Variants in SENP8 observed in about 807,000 individuals in gnomAD.
The protein encoded by SENP8 is sentrin-specific protease 8.
In SENP8, 10 loss-of-function variants were observed where a neutral mutation model predicts 14.4. That is an observed-to-expected ratio of 0.69 (90% CI 0.43 to 1.18). The LOEUF (loss-of-function observed/expected upper bound fraction) is 1.18. Ranked by LOEUF, SENP8 falls within the 50% of genes most tolerant of loss-of-function variation. The pLI is 0.00. For synonymous variants in SENP8, 94 were observed against 95.5 expected (o/e 0.98, Z 0.09); for missense variants, 202 against 249.4 (o/e 0.81, Z 1.28).
At chr15:72,116,479 G>A (rs2151249782), upstream of SENP8, among the ~76,000 whole-genome samples, 1 of 152,246 alleles carries the variant, frequency 6.6e-6, no homozygotes, top group Non-Finnish European at 1.5e-5. Context: ...TGACCTCAGT[G>A]AACACTGCAT....
At chr15:72,122,464 T>G (rs1176488776) in intron 1 of SENP8, among the ~76,000 whole-genome samples, 1 of 152,242 alleles carries the variant, frequency 6.6e-6, no homozygotes, top group African/African-American at 2.4e-5. Flanking sequence ...AACTTACTGC[T>G]CAAATCCAGC....
chr15:72,140,314 A>C lies in SENP8; in HGVS notation c.*52A>C. ...AAGGCTCCTCTTTCTGCCCTTCCCC[A>C]TTTGTTGGATGGCTGCAATCTCAGT... On this transcript the variant is annotated 3_prime_UTR_variant, in exon 2 of 2. Transcript: ENST00000340912. The C allele has an allele frequency of 1.5e-6, 2 of 1,311,876 alleles. No homozygotes were observed. Among genetic ancestry groups the C allele is most frequent in the Non-Finnish European group, 2.2e-6 (2 of 919,646 alleles). The allele number at this position is 1,311,876 out of a possible 1,614,324, so 81.3% of individuals were successfully genotyped here. A position where few individuals can be genotyped will look rare whatever the true frequency, so the allele number is the denominator to read the frequency against.
chr15:72,132,973 C>T lies in SENP8; in HGVS notation c.-47-6604C>T, dbSNP rs555352512. ...AACACCTGAGGTCAGGAATTCGAGA[C>T]CAGCCTGGCCAACATGGTGAAACCC... On this transcript the variant is annotated intron_variant, in intron 1 of 1. Coordinates refer to ENST00000340912, the MANE Select transcript of SENP8 (RefSeq NM_145204.4). Among the ~76,000 whole-genome samples, 62 of 152,292 alleles carry T rather than the reference C, an allele frequency of 4.1e-4. No homozygotes were observed. The Middle Eastern group carries it at 0.017, about 42-fold the overall frequency.
Position 72,138,005 on chromosome 15 carries a change from A to G in SENP8, c.-47-1572A>G, listed in dbSNP as rs191007415. Among the ~76,000 whole-genome samples the G allele has an allele frequency of 4.0e-3, 608 of 152,246 alleles. 3 individuals are homozygous for G. Among genetic ancestry groups the G allele is most frequent in the African/African-American group, 0.014 (571 of 41,552 alleles). ...AAAGAAAAAGAAAATTAGTGTTGAA[A>G]TGAAAAGTATTTCCCTTGGAAATTA... On this transcript the variant is annotated intron_variant, in intron 1 of 1. Transcript: ENST00000340912.
upstream of SENP8, chr15:72,116,730 T>C (rs766423355): frequency 2.0e-5 from 3 of 152,226 alleles, no homozygotes; most frequent in Non-Finnish European, 4.4e-5. Flanking sequence ...CAAGACGACA[T>C]AGTTATATCC....
At chr15:72,123,471 C>T (rs544831956) in intron 1 of SENP8, among the ~76,000 whole-genome samples, 1 of 152,122 alleles carries the variant, frequency 6.6e-6, no homozygotes, top group South Asian at 2.1e-4. Flanking sequence ...AACAAAGTCA[C>T]CACAAGAAAA....
In SENP8 at chr15:72,119,880, T is replaced by C. The variant is rs113820312; in HGVS notation, c.-48+1416T>C. 5.5e-3 allele frequency among the ~76,000 whole-genome samples: 840 copies of C among 152,368 alleles called. 11 individuals carry two copies. The highest frequency in any genetic ancestry group is 0.019 in the African/African-American group (794 of 41,578). On this transcript the variant is annotated intron_variant, in intron 1 of 1. Coordinates refer to ENST00000340912, the MANE Select transcript of SENP8 (RefSeq NM_145204.4). ...AGAAGGAGCCACTCTTGCCTTTCTCTTCAGCACTGTTCATTCCTCAGTGTT... is the reference window on the plus strand; with the variant it reads ...AGAAGGAGCCACTCTTGCCTTTCTCCTCAGCACTGTTCATTCCTCAGTGTT...
chr15:72,138,601 T>C (rs937123342), intron 1 of SENP8, among the ~76,000 whole-genome samples: 1 of 150,872 alleles, frequency 6.6e-6, no homozygotes, highest in Non-Finnish European at 1.5e-5. Flanking sequence ...CTGCCCACCT[T>C]GGCCTCCCAA....
intron 1 of SENP8, among the ~76,000 whole-genome samples, chr15:72,129,126 CTA>C (rs2081246965): frequency 6.6e-6 from 1 of 152,166 alleles, no homozygotes; most frequent in South Asian, 2.1e-4. Flanking sequence ...ATTTAAAACT[CTA>C]ATACATATTT....
At chr15:72,128,797 T>C (rs960747061) in intron 1 of SENP8, among the ~76,000 whole-genome samples, 1 of 152,180 alleles carries the variant, frequency 6.6e-6, no homozygotes, top group Admixed American at 6.6e-5. Context: ...CTCTGAGCAT[T>C]TGTAGTTTGG....
chr15:72,118,135 G>A (rs961202912), upstream of SENP8: 4 of 379,386 alleles, frequency 1.1e-5, no homozygotes, highest in Admixed American at 4.5e-5. Flanking sequence ...GGCTGCAGGC[G>A]AGCAGGCGCG....
chr15:72,126,101 G>GT (rs1313434433), intron 1 of SENP8, among the ~76,000 whole-genome samples: 1 of 152,080 alleles, frequency 6.6e-6, no homozygotes. Context: ...GGGATTACAG[G>GT]TGTGAGCTAT....
rs181142304 is a variant in SENP8, at chr15:72,141,701, A to G, written c.*1439A>G. On this transcript the variant is annotated 3_prime_UTR_variant, in exon 2 of 2. Transcript: ENST00000340912. ...GCCTGAGTGAGCAGGAGCTGAAACTAAAAGTCAAAGAGAAAGCTATCAAAA... is the reference window on the plus strand; with the variant it reads ...GCCTGAGTGAGCAGGAGCTGAAACTGAAAGTCAAAGAGAAAGCTATCAAAA... 4.6e-5 allele frequency: 7 copies of G among 152,328 alleles called. No individual in the cohort carries two copies. The highest frequency in any genetic ancestry group is 4.6e-4 in the Admixed American group (7 of 15,302). The allele number at this position is 152,328 out of a possible 1,614,324, so 9.4% of individuals were successfully genotyped here. A position where few individuals can be genotyped will look rare whatever the true frequency, so the allele number is the denominator to read the frequency against.
At chr15:72,114,419 A>G (rs528121481), upstream of SENP8, 2 of 152,374 alleles carry the variant, frequency 1.3e-5, no homozygotes, top group South Asian at 2.1e-4. Context: ...GACCTGAAAT[A>G]TCATGAGGGA....
chr15:72,130,974 A>C (rs1398399678), intron 1 of SENP8, among the ~76,000 whole-genome samples: 2 of 152,354 alleles, frequency 1.3e-5, no homozygotes, highest in African/African-American at 2.4e-5. Context: ...AAACTTAGAC[A>C]TCAGAATAAC....
chr15:72,140,040 C>T lies in SENP8; in HGVS notation c.417C>T (p.Phe139=), dbSNP rs773217549. The part of the protein sequence containing the change: ...AKQVAEKLEA[F]LGRKGDKLAF... ...AGGTAGCAGAGAAACTGGAGGCTTTCTTAGGCAGAAAAGGAGACAAACTGG... is the reference window on the plus strand; with the variant it reads ...AGGTAGCAGAGAAACTGGAGGCTTTTTTAGGCAGAAAAGGAGACAAACTGG... Residue 139 remains phenylalanine (F), a synonymous_variant, in exon 2 of 2, where the codon TTC becomes TTT. Coordinates refer to ENST00000340912, the MANE Select transcript of SENP8 (RefSeq NM_145204.4). 41 of 1,614,064 alleles carry T rather than the reference C, an allele frequency of 2.5e-5. No homozygotes were observed. Among genetic ancestry groups the T allele is most frequent in the African/African-American group, 2.7e-5 (2 of 74,940 alleles).
chr15:72,129,867 C>G (rs1413974598), intron 1 of SENP8, among the ~76,000 whole-genome samples: 4 of 151,706 alleles, frequency 2.6e-5, no homozygotes, highest in African/African-American at 9.7e-5. Flanking sequence ...AAAATCCAGA[C>G]TGAAACAGCA....
In SENP8 at chr15:72,140,395, TATC is replaced by T; in HGVS notation, c.*137_*139del. Reference sequence around the variant, plus strand: ...CTTAATACTCTTTTTCCTGAAAGAATATCATCCTCTGCATTATCCCCATGGAAC... The same window carrying T: ...CTTAATACTCTTTTTCCTGAAAGAATATCCTCTGCATTATCCCCATGGAAC... On this transcript the variant is annotated 3_prime_UTR_variant, in exon 2 of 2. Coordinates refer to ENST00000340912, the MANE Select transcript of SENP8 (RefSeq NM_145204.4). 1 of 663,828 alleles carries T rather than the reference TATC, an allele frequency of 1.5e-6. No homozygotes were observed. Among genetic ancestry groups the T allele is most frequent in the Non-Finnish European group, 2.6e-6 (1 of 378,804 alleles). The allele number at this position is 663,828 out of a possible 1,614,324, so 41.1% of individuals were successfully genotyped here.
At chr15:72,119,687 G>A (rs957692649) in intron 1 of SENP8, among the ~76,000 whole-genome samples, 1 of 152,200 alleles carries the variant, frequency 6.6e-6, no homozygotes, top group Non-Finnish European at 1.5e-5. Flanking sequence ...GGCGGAGCTT[G>A]CAGTGAGCCA....
Sources: gnomAD v4.1 joint callset for allele counts (sites outside exome capture counted in the v4.1 genomes callset) on GRCh38, gnomAD v4.1.1 for gene constraint, MANE v1.5 for transcripts, NCBI Gene and HGNC (gene_info 2026-07-23, HGNC 2026-07-21) for gene names.